Variants in GRIA2 observed in about 807,000 individuals in gnomAD.
GRIA2 encodes the protein glutamate ionotropic receptor AMPA type subunit 2, also known as glutamate receptor 2.
Under a neutral mutation model 97.3 loss-of-function variants are expected in GRIA2, and 14 were observed. The observed-to-expected ratio is 0.14, with a 90% CI of 0.10 to 0.23. The LOEUF (loss-of-function observed/expected upper bound fraction) is 0.23. Ranked by LOEUF, GRIA2 falls within the 10% of genes least tolerant of loss-of-function variation. The pLI is 1.00. For missense variants in GRIA2, 558 were observed against 1,069.8 expected (o/e 0.52, Z 6.67); for synonymous variants, 412 against 387.8 (o/e 1.06, Z -0.73).
chr4:157,230,894 C>T (rs974357232), intron 2 of GRIA2, among the ~76,000 whole-genome samples: 4 of 151,854 alleles, frequency 2.6e-5, no homozygotes, highest in African/African-American at 9.7e-5. Flanking sequence ...CGCTCTGTTC[C>T]CCAGGCTGGA....
At chr4:157,238,942 CTT>C (rs769118260) in intron 2 of GRIA2, among the ~76,000 whole-genome samples, 10 of 152,202 alleles carry the variant, frequency 6.6e-5, no homozygotes, top group Non-Finnish European at 1.3e-4. Context: ...TTATTGCACA[CTT>C]ATGTTTCTTC....
intron 2 of GRIA2, among the ~76,000 whole-genome samples, chr4:157,298,606 C>A (rs1733463519): frequency 8.2e-6 from 1 of 122,460 alleles, no homozygotes; most frequent in Non-Finnish European, 1.6e-5. Context: ...CAGATTGAAG[C>A]TAAGCTTTTT....
At chr4:157,350,458 CA>C (rs1309280108) in intron 12 of GRIA2, among the ~76,000 whole-genome samples, 1 of 151,516 alleles carries the variant, frequency 6.6e-6, no homozygotes, top group Non-Finnish European at 1.5e-5. Context: ...TTACATGAAT[CA>C]GTTCTTTAGT....
At chr4:157,223,781 A>G (rs1194517408) in intron 2 of GRIA2, among the ~76,000 whole-genome samples, 1 of 152,204 alleles carries the variant, frequency 6.6e-6, no homozygotes, top group Non-Finnish European at 1.5e-5. Context: ...TGCCAAGTTC[A>G]CTCATTGGTG....
At chr4:157,272,883 C>T (rs750609116) in intron 2 of GRIA2, among the ~76,000 whole-genome samples, 4 of 152,014 alleles carry the variant, frequency 2.6e-5, no homozygotes, top group Non-Finnish European at 5.9e-5. Context: ...GGAACAGGCT[C>T]ACTAAAAGAT....
At chr4:157,321,699 G>A (rs1579361467) in intron 6 of GRIA2, 100 bp downstream of exon 6, 1 of 751,820 alleles carries the variant, frequency 1.3e-6, no homozygotes, top group Non-Finnish European at 2.2e-6. Context: ...AGGGAGTAGA[G>A]AGCACGTTTC....
intron 2 of GRIA2, among the ~76,000 whole-genome samples, chr4:157,232,229 C>T (rs547721353): frequency 8.5e-4 from 129 of 152,266 alleles, no homozygotes; most frequent in African/African-American, 3.0e-3. Context: ...TTCACTGATC[C>T]AGGTAGCACA....
intron 2 of GRIA2, among the ~76,000 whole-genome samples, chr4:157,258,426 C>T (rs1281160545): frequency 6.6e-6 from 1 of 152,018 alleles, no homozygotes; most frequent in Non-Finnish European, 1.5e-5. Flanking sequence ...TGTAGCGCTC[C>T]CAGGCCTATT....
At chr4:157,264,572 A>G (rs1051342689) in intron 2 of GRIA2, among the ~76,000 whole-genome samples, 4 of 152,086 alleles carry the variant, frequency 2.6e-5, no homozygotes, top group Admixed American at 2.6e-4. Flanking sequence ...TCTAACTGCA[A>G]TCTTAATTTC....
At chr4:157,307,026 A>G (rs1733874764) in intron 3 of GRIA2, among the ~76,000 whole-genome samples, 1 of 151,928 alleles carries the variant, frequency 6.6e-6, no homozygotes, top group Admixed American at 6.6e-5. Context: ...CTGTCTCTTC[A>G]CCTCCTTGAT....
At chr4:157,260,149 T>C (rs28642008) in intron 2 of GRIA2, among the ~76,000 whole-genome samples, 49,197 of 151,936 alleles carry the variant, frequency 0.32, 8,388 homozygotes, top group African/African-American at 0.42. Context: ...GATCTGTGAC[T>C]TTCCATTGCA....
At chr4:157,255,645 A>G (rs1731208927) in intron 2 of GRIA2, among the ~76,000 whole-genome samples, 1 of 151,940 alleles carries the variant, frequency 6.6e-6, no homozygotes. Context: ...TAAACTAAAA[A>G]GCTTCTACAC....
chr4:157,309,054 G>T (rs1733960243), intron 3 of GRIA2, among the ~76,000 whole-genome samples: 1 of 151,978 alleles, frequency 6.6e-6, no homozygotes, highest in African/African-American at 2.4e-5. Context: ...ATTGAATGGT[G>T]GTCTCTTCAA....
chr4:157,335,803 G>A lies in GRIA2; in HGVS notation c.1399G>A (p.Gly467Ser), dbSNP rs778059982. 1 of 1,612,864 alleles carries A rather than the reference G, an allele frequency of 6.2e-7. No individual in the cohort carries two copies. ...CGFKYKLTIV[G>S]DGKYGARDAD... ...GTTCAAGTACAAGTTGACAATTGTTGGTGATGGCAAGTATGGGGCCAGGGA... is the reference window on the plus strand; with the variant it reads ...GTTCAAGTACAAGTTGACAATTGTTAGTGATGGCAAGTATGGGGCCAGGGA... Residue 467 changes from glycine (G) to serine (S), a missense_variant, in exon 10 of 16, where the codon GGT becomes AGT. By Grantham distance (56) the Gly-to-Ser change is moderately conservative. Transcript: ENST00000264426.
chr4:157,227,672 A>G (rs1050798880), intron 2 of GRIA2, among the ~76,000 whole-genome samples: 1 of 152,294 alleles, frequency 6.6e-6, no homozygotes, highest in African/African-American at 2.4e-5. Flanking sequence ...GGTAGATTAT[A>G]TTTCCTTTCT....
rs141334707 is a variant in GRIA2 at position 157,357,695 on chromosome 4, T to C, written c.2044-2201T>C. Among the ~76,000 whole-genome samples the C allele has an allele frequency of 5.7e-3, 863 of 152,194 alleles. 15 individuals are homozygous for C. Among genetic ancestry groups the C allele is most frequent in the Middle Eastern group, 0.048 (14 of 294 alleles). On this transcript the variant is annotated intron_variant, in intron 12 of 15. Transcript: ENST00000264426. ...AGGTGACCTAACATACCAGAACTAA[T>C]GACCTAACATACCAGAACTAATATA...
At chr4:157,355,926 T>TATATATATATATATATTA (rs1736294006) in intron 12 of GRIA2, among the ~76,000 whole-genome samples, 1 of 55,540 alleles carries the variant, frequency 1.8e-5, no homozygotes, top group Non-Finnish European at 3.1e-5. Context: ...AATATATTTA[T>TATATATATATATATATTA]ATATATTTAT....
At chr4:157,226,341 T>A (rs1729745803) in intron 2 of GRIA2, among the ~76,000 whole-genome samples, 1 of 152,022 alleles carries the variant, frequency 6.6e-6, no homozygotes, top group Admixed American at 6.5e-5. Context: ...TTGAAAAAAA[T>A]AAATGACATC....
chr4:157,304,066 T>G (rs1468214247), intron 3 of GRIA2, among the ~76,000 whole-genome samples: 1 of 152,164 alleles, frequency 6.6e-6, no homozygotes, highest in Non-Finnish European at 1.5e-5. Context: ...AAAAGCAATT[T>G]TTTGCATCAG....
Sources: gnomAD v4.1 joint callset for allele counts (sites outside exome capture counted in the v4.1 genomes callset) on GRCh38, gnomAD v4.1.1 for gene constraint, MANE v1.5 for transcripts, NCBI Gene and HGNC (gene_info 2026-07-23, HGNC 2026-07-21) for gene names.